The following PARVG variants were observed in gnomAD, a reference collection of about 807,000 sequenced individuals.
PARVG encodes gamma-parvin.
In PARVG, 36 loss-of-function variants were observed where a neutral mutation model predicts 44.4. The ratio of observed to expected loss-of-function variants is 0.81; its 90% CI spans 0.62 to 1.07. PARVG has a LOEUF of 1.07. Ranked by LOEUF, PARVG falls within the 50% of genes least tolerant of loss-of-function variation. The probability of loss-of-function intolerance (pLI) is 0.00; values close to 1 mark genes in which losing one functional copy is unlikely to be tolerated. For synonymous variants in PARVG, 170 were observed against 174.1 expected (o/e 0.98, Z 0.19); for missense variants, 407 against 407.4 (o/e 1.00, Z 0.01).
chr22:44,206,368 T>G lies in PARVG; in HGVS notation c.938T>G (p.Phe313Cys), dbSNP rs2054781585. ...ACACTGAGGGTGCTCTATGGTCTGT[T>G]CTGCAAGCACACGCAGAAGGCACAC... Reference protein sequence around the residue: ...KSTLRVLYGLFCKHTQKAHRD... With the variant: ...KSTLRVLYGLCCKHTQKAHRD... Residue 313 changes from phenylalanine to cysteine, a missense_variant, in exon 14 of 14, where the codon TTC becomes TGC. Physicochemically the swap from Phe to Cys is radical, Grantham distance 205. Transcript: ENST00000444313. The G allele has an allele frequency of 3.1e-6, 5 of 1,614,032 alleles. No individual in the cohort carries two copies. The highest frequency in any genetic ancestry group is 4.2e-6 in the Non-Finnish European group (5 of 1,179,996).
At chr22:44,204,770 G>A (rs1220188005) in intron 12 of PARVG, among the ~76,000 whole-genome samples, 1 of 152,254 alleles carries the variant, frequency 6.6e-6, no homozygotes, top group Non-Finnish European at 1.5e-5. Flanking sequence ...GGATCTACGG[G>A]TGGCTAAGAC....
intron 12 of PARVG, among the ~76,000 whole-genome samples, chr22:44,201,422 C>T (rs139159): frequency 0.48 from 73,053 of 152,030 alleles, 19,655 homozygotes; most frequent in Non-Finnish European, 0.61. Flanking sequence ...CCGCAGCCTG[C>T]CATGTCCCTC....
chr22:44,193,588 C>T (rs566053793), intron 8 of PARVG, among the ~76,000 whole-genome samples: 2 of 152,232 alleles, frequency 1.3e-5, no homozygotes, highest in African/African-American at 4.8e-5. Flanking sequence ...GGTGTGGAAG[C>T]CTCAGGGAAG....
upstream of PARVG, among the ~76,000 whole-genome samples, chr22:44,176,260 G>A (rs956890193): frequency 1.3e-5 from 2 of 152,132 alleles, no homozygotes; most frequent in Admixed American, 6.5e-5. Context: ...TATAACCTAC[G>A]CACATCCTCC....
At position 44,208,004 on chromosome 22, in the gene PARVG, C is replaced by T. The variant is rs1315279734; in HGVS notation, c.*1578C>T. On this transcript the variant is annotated 3_prime_UTR_variant, in exon 14 of 14. Coordinates refer to ENST00000444313, the MANE Select transcript of PARVG (RefSeq NM_022141.7). The stretch of plus-strand genomic sequence containing the variant: ...CTCCATTGCGATGCCCCCTCCAGCA[C>T]CTCAAATCCTCTCCTGGAGCTTCTG... 1 of 152,432 alleles carries T rather than the reference C, an allele frequency of 6.6e-6. No individual in the cohort carries two copies. The highest frequency in any genetic ancestry group is 1.5e-5 in the Non-Finnish European group (1 of 68,252). The allele number at this position is 152,432 out of a possible 1,614,324, so 9.4% of individuals were successfully genotyped here.
chr22:44,190,872 G>A (rs769890274), intron 7 of PARVG, among the ~76,000 whole-genome samples: 18 of 152,188 alleles, frequency 1.2e-4, no homozygotes, highest in Admixed American at 7.2e-4. Context: ...TGGGGCTGGC[G>A]GAGGCCTGGG....
At chr22:44,196,583 T>A (rs1259474611) in intron 11 of PARVG, among the ~76,000 whole-genome samples, 168 bp downstream of exon 11, 1 of 147,340 alleles carries the variant, frequency 6.8e-6, no homozygotes, top group African/African-American at 2.5e-5. Context: ...GCAGCAGTGG[T>A]CACCAGGGAC....
At chr22:44,172,994 C>T (rs1279167116) in exon 1 of PARVG, 2 of 1,289,606 alleles carry the variant, frequency 1.6e-6, no homozygotes, top group Non-Finnish European at 2.0e-6. Flanking sequence ...ATGCATTTAG[C>T]AGTCATGGAT....
At chr22:44,190,345 G>C (rs1226206843) in intron 6 of PARVG, among the ~76,000 whole-genome samples, 37 of 152,178 alleles carry the variant, frequency 2.4e-4, no homozygotes, top group Admixed American at 2.4e-3. Flanking sequence ...TCATACCCCT[G>C]GGCTATATTC....
chr22:44,185,746 G>GA (rs1445099589), intron 3 of PARVG, 62 bp from the exon 4 acceptor site: 1 of 1,431,840 alleles, frequency 7.0e-7, no homozygotes, highest in African/African-American at 1.4e-5. Flanking sequence ...GTGACCTGCA[G>GA]GGAGTGTGGC....
intron 9 of PARVG, 131 bp downstream of exon 9, chr22:44,193,954 C>T (rs1400574080): frequency 1.2e-5 from 14 of 1,155,500 alleles, no homozygotes; most frequent in Non-Finnish European, 1.5e-5. Flanking sequence ...TCTCAAGCCT[C>T]ATTCTTATTC....
intron 9 of PARVG, among the ~76,000 whole-genome samples, chr22:44,194,710 G>GCATT (rs1447284658): frequency 9.7e-6 from 1 of 103,086 alleles, no homozygotes; most frequent in African/African-American, 4.0e-5. Context: ...ACCTATCCAC[G>GCATT]CATTCATCCA....
intron 1 of PARVG, among the ~76,000 whole-genome samples, chr22:44,174,378 G>A (rs1569173565): frequency 6.6e-6 from 1 of 152,114 alleles, no homozygotes; most frequent in Non-Finnish European, 1.5e-5. Flanking sequence ...GACTAATCCA[G>A]GTGGCTTTAA....
chr22:44,194,217 C>T (rs2054588041), intron 9 of PARVG, among the ~76,000 whole-genome samples: 1 of 152,196 alleles, frequency 6.6e-6, no homozygotes, highest in Admixed American at 6.5e-5. Context: ...ACCTTTTAAA[C>T]TGGCAGTGAG....
In PARVG at chr22:44,189,158, A is replaced by G; in HGVS notation, c.292A>G (p.Thr98Ala). 6.2e-7 allele frequency: 1 copy of G among 1,614,140 alleles called. No individual in the cohort carries two copies. The highest frequency in any genetic ancestry group is 8.5e-7 in the Non-Finnish European group (1 of 1,180,018). The change falls in exon 6 of 14, where the codon ACA (threonine) becomes GCA (alanine). Residue 98 changes from threonine (T) to alanine (A), a missense_variant. By Grantham distance (58) the Thr-to-Ala change is moderately conservative (BLOSUM62 0). Coordinates refer to ENST00000444313, the MANE Select transcript of PARVG (RefSeq NM_022141.7). ...LKLEAEDIAL[T>A]ATSQKHKLTV... ...GCTGGAAGCAGAGGACATCGCCCTGACAGCCACAAGCCAGAAGCACAAGCT... is the reference window on the plus strand; with the variant it reads ...GCTGGAAGCAGAGGACATCGCCCTGGCAGCCACAAGCCAGAAGCACAAGCT...
At position 44,181,858 on chromosome 22, in the gene PARVG, A is replaced by G; in HGVS notation, c.-72A>G. The G allele has an allele frequency of 1.0e-6, 1 of 985,464 alleles. No individual in the cohort carries two copies. Among genetic ancestry groups the G allele is most frequent in the Non-Finnish European group, 1.2e-6 (1 of 830,000 alleles). 61.0% of individuals were successfully genotyped at this position (985,464 alleles called of 1,614,324 possible). ...AACCCGGAACTTGCTTCCATTCGGA[A>G]TCCAGGGACCACCCTTTGCACTCAG... On this transcript the variant is annotated 5_prime_UTR_variant, in exon 2 of 14. Transcript: ENST00000444313.
At chr22:44,178,760 T>C (rs563991240), upstream of PARVG, among the ~76,000 whole-genome samples, 1 of 152,156 alleles carries the variant, frequency 6.6e-6, no homozygotes, top group African/African-American at 2.4e-5. Flanking sequence ...TCACATGTGC[T>C]GTGTGATGCC....
intron 1 of PARVG, chr22:44,181,504 C>T (rs1230413932): frequency 2.0e-5 from 14 of 699,276 alleles, no homozygotes; most frequent in Non-Finnish European, 2.5e-5. Flanking sequence ...TTGCGGGGGT[C>T]GACCCCAGGC....
At chr22:44,199,570 G>T (rs1279189446) in intron 12 of PARVG, among the ~76,000 whole-genome samples, 1 of 152,202 alleles carries the variant, frequency 6.6e-6, no homozygotes, top group East Asian at 1.9e-4. Flanking sequence ...TGTGCCCACT[G>T]TTCTCCTAGT....
Sources: allele counts gnomAD v4.1 joint callset (sites outside exome capture counted in the v4.1 genomes callset), GRCh38; gene constraint gnomAD v4.1.1; transcripts MANE v1.5; gene names NCBI Gene and HGNC (gene_info 2026-07-23, HGNC 2026-07-21).